TNKS2: variants seen among roughly 807,000 people sequenced by gnomAD.
The protein encoded by TNKS2 is poly [ADP-ribose] polymerase tankyrase-2.
In TNKS2, 72 loss-of-function variants were observed where a neutral mutation model predicts 137.6. The ratio of observed to expected loss-of-function variants is 0.52; its 90% CI spans 0.43 to 0.64. The LOEUF is 0.64. TNKS2 is among the 30% of genes least tolerant of loss of function. The probability of loss-of-function intolerance (pLI) is 0.00; values close to 1 mark genes in which losing one functional copy is unlikely to be tolerated. For synonymous variants in TNKS2, 516 were observed against 512.1 expected (o/e 1.01, Z -0.10); for missense variants, 1,049 against 1,410.2 (o/e 0.74, Z 4.10).
Position 91,842,184 on chromosome 10 carries a change from C to T in TNKS2, c.1852C>T (p.Pro618Ser), listed in dbSNP as rs1217620135. The change falls in exon 16 of 27, where the codon CCT (proline) becomes TCT (serine). Residue 618 changes from proline to serine, a missense_variant. Coordinates refer to ENST00000371627, the MANE Select transcript of TNKS2 (RefSeq NM_025235.4). ...CKLLLQHGAD[P>S]TKKNRDGNTP... Reference sequence around the variant, plus strand: ...TTCACATGCCTAGCATGGTGCAGACCCTACAAAAAAAAACAGGGATGGAAA... The same window carrying T: ...TTCACATGCCTAGCATGGTGCAGACTCTACAAAAAAAAACAGGGATGGAAA... 2 of 1,612,686 alleles carry T rather than the reference C, an allele frequency of 1.2e-6. No individual in the cohort carries two copies. Among genetic ancestry groups the T allele is most frequent in the Non-Finnish European group, 1.7e-6 (2 of 1,179,380 alleles).
At chr10:91,799,977 A>C (rs1178839780) in intron 1 of TNKS2, among the ~76,000 whole-genome samples, 3 of 152,204 alleles carry the variant, frequency 2.0e-5, no homozygotes, top group African/African-American at 4.8e-5. Flanking sequence ...TTCCTCTTTC[A>C]CAGATATTAC....
chr10:91,812,958 G>A (rs746596345), intron 1 of TNKS2, 25 bp from the exon 2 acceptor site: 19 of 1,611,338 alleles, frequency 1.2e-5, no homozygotes, highest in Admixed American at 1.7e-5. Context: ...TTGAACTTAC[G>A]TGTGGACAAT....
At position 91,859,487 on chromosome 10, in the gene TNKS2, C is replaced by T; in HGVS notation, c.3120C>T (p.Ile1040=). 3 of 1,608,940 alleles carry T rather than the reference C, an allele frequency of 1.9e-6. No homozygotes were observed. The highest frequency in any genetic ancestry group is 2.5e-6 in the Non-Finnish European group (3 of 1,177,826). The change falls in exon 25 of 27, where the codon ATC becomes ATT. Residue 1040 remains isoleucine (I), a synonymous_variant. Coordinates refer to ENST00000371627, the MANE Select transcript of TNKS2 (RefSeq NM_025235.4). ...GGTCTCCTTTTGTGAATGCAATTAT[C>T]CACAAAGGCTTTGATGAAAGGCATG... ...FHGSPFVNAI[I]HKGFDERHAY... is the part of the protein sequence containing the mutation.
At chr10:91,821,245 C>G (rs1844881383) in intron 6 of TNKS2, among the ~76,000 whole-genome samples, 1 of 151,844 alleles carries the variant, frequency 6.6e-6, no homozygotes, top group Non-Finnish European at 1.5e-5. Context: ...GCCGTGTTGG[C>G]CAGGCTCAAA....
intron 21 of TNKS2, among the ~76,000 whole-genome samples, chr10:91,854,418 C>CA (rs201884681): frequency 1.9e-4 from 29 of 150,590 alleles, no homozygotes; most frequent in Admixed American, 1.6e-3. Context: ...GATCCTAGAA[C>CA]AAAAAAAAGG....
intron 11 of TNKS2, among the ~76,000 whole-genome samples, chr10:91,833,545 A>T (rs1841889679): frequency 6.6e-6 from 1 of 152,186 alleles, no homozygotes. Context: ...AGAGATCCAT[A>T]AAAATAGATG....
chr10:91,845,410 A>G (rs929971878), intron 17 of TNKS2, among the ~76,000 whole-genome samples: 12 of 152,244 alleles, frequency 7.9e-5, no homozygotes, highest in Admixed American at 5.9e-4. Flanking sequence ...ACCATCTTCA[A>G]TGGTATAGTT....
intron 16 of TNKS2, 123 bp downstream of exon 16, chr10:91,842,514 T>A: frequency 1.2e-6 from 1 of 835,054 alleles, no homozygotes; most frequent in Non-Finnish European, 1.9e-6. Context: ...TGGCTCACAC[T>A]TGTAATCCCA....
At chr10:91,816,017 C>T (rs1410507219) in intron 2 of TNKS2, among the ~76,000 whole-genome samples, 2 of 143,778 alleles carry the variant, frequency 1.4e-5, no homozygotes, top group African/African-American at 5.3e-5. Flanking sequence ...GGCGTGATCT[C>T]CGCTCACTGC....
At chr10:91,837,570 G>A (rs1842067131) in intron 13 of TNKS2, among the ~76,000 whole-genome samples, 1 of 152,162 alleles carries the variant, frequency 6.6e-6, no homozygotes, top group Admixed American at 6.5e-5. Context: ...AAATATGTAT[G>A]TAAAACTGGG....
At chr10:91,853,580 A>G (rs1842618223) in intron 21 of TNKS2, among the ~76,000 whole-genome samples, 1 of 152,194 alleles carries the variant, frequency 6.6e-6, no homozygotes, top group Admixed American at 6.5e-5. Context: ...CTTACCTATC[A>G]TTCAATGCAT....
chr10:91,844,957 C>T lies in TNKS2; in HGVS notation c.2098C>T (p.Gln700Ter). Residue 700 changes from glutamine (Q) to a stop codon, truncating the protein, a stop_gained, in exon 17 of 27, where the codon CAA becomes TAA. Coordinates refer to ENST00000371627, the MANE Select transcript of TNKS2 (RefSeq NM_025235.4). LOFTEE classifies it high-confidence loss of function. ...NNLEVAEYLL[Q>*]HGADVNAQDK... The stretch of plus-strand genomic sequence containing the variant: ...TTTAGAAGTTGCAGAGTATTTGTTA[C>T]AACACGGAGCTGATGTGAATGCCCA... The T allele has an allele frequency of 6.2e-7, 1 of 1,613,018 alleles. No individual in the cohort carries two copies. Among genetic ancestry groups the T allele is most frequent in the Non-Finnish European group, 8.5e-7 (1 of 1,179,422 alleles).
At chr10:91,805,697 A>C (rs545213488) in intron 1 of TNKS2, among the ~76,000 whole-genome samples, 1 of 152,348 alleles carries the variant, frequency 6.6e-6, no homozygotes, top group South Asian at 2.1e-4. Flanking sequence ...AGATATGCTT[A>C]TTACTGCTGA....
At chr10:91,835,592 C>CTTTTTTTT (rs35247985) in intron 12 of TNKS2, among the ~76,000 whole-genome samples, 3 of 109,422 alleles carry the variant, frequency 2.7e-5, no homozygotes, top group Admixed American at 9.5e-5. Flanking sequence ...CCCGGCCTTT[C>CTTTTTTTT]TTTTTTTTTT....
chr10:91,822,183 C>T (rs2133617068), intron 6 of TNKS2, 113 bp from the exon 7 acceptor site: 1 of 800,210 alleles, frequency 1.2e-6, no homozygotes, highest in South Asian at 2.1e-5. Flanking sequence ...TAGAACATCA[C>T]ATAATCCATT....
At position 91,831,167 on chromosome 10, in the gene TNKS2, A is replaced by G; in HGVS notation, c.1261A>G (p.Lys421Glu). The change falls in exon 11 of 27, where the codon AAA (lysine) becomes GAA (glutamate). Residue 421 changes from lysine (K) to glutamate (E), a missense_variant. Lys to Glu is a moderately conservative substitution (Grantham distance 56). Coordinates refer to ENST00000371627, the MANE Select transcript of TNKS2 (RefSeq NM_025235.4). The stretch of plus-strand genomic sequence containing the variant: ...TAATGATGTTGTTGAAGTAGTGGTG[A>G]AACATGAAGCAAAGGTATACTTCCT... ...AHNDVVEVVV[K>E]HEAKVNALDN... The G allele has an allele frequency of 6.2e-7, 1 of 1,613,924 alleles. No homozygotes were observed. Among genetic ancestry groups the G allele is most frequent in the Non-Finnish European group, 8.5e-7 (1 of 1,179,882 alleles).
At chr10:91,804,975 G>A (rs1844278937) in intron 1 of TNKS2, among the ~76,000 whole-genome samples, 1 of 152,086 alleles carries the variant, frequency 6.6e-6, no homozygotes, top group African/African-American at 2.4e-5. Context: ...TGTTGGCTAT[G>A]GTGGTCTCGA....
chr10:91,850,350 A>G (rs2133669956), intron 20 of TNKS2, among the ~76,000 whole-genome samples: 1 of 145,504 alleles, frequency 6.9e-6, no homozygotes, highest in Non-Finnish European at 1.5e-5. Flanking sequence ...CCTCGGCAAC[A>G]GAGCAAGACT....
chr10:91,836,827 A>G, intron 12 of TNKS2, 92 bp from the exon 13 acceptor site: 1 of 1,488,808 alleles, frequency 6.7e-7, no homozygotes, highest in African/African-American at 1.4e-5. Context: ...ATTGTAAAAG[A>G]ACTTTGCTTT....
Sources: gnomAD v4.1 joint callset for allele counts (sites outside exome capture counted in the v4.1 genomes callset) on GRCh38, gnomAD v4.1.1 for gene constraint, MANE v1.5 for transcripts, NCBI Gene and HGNC (gene_info 2026-07-23, HGNC 2026-07-21) for gene names.